NRXN3: variants seen among roughly 807,000 people sequenced by gnomAD.
NRXN3 encodes the protein neurexin 3.
NRXN3 carries 32 observed loss-of-function variants against 137.6 expected under a neutral mutation model. The ratio of observed to expected loss-of-function variants is 0.23; its 90% confidence interval spans 0.18 to 0.31. The LOEUF (loss-of-function observed/expected upper bound fraction) is 0.31, where lower values mean the gene tolerates loss of function less well. NRXN3 is among the 10% of genes least tolerant of loss of function. The probability of loss-of-function intolerance (pLI) is 1.00; values close to 1 mark genes in which losing one functional copy is unlikely to be tolerated. For synonymous variants in NRXN3, 798 were observed against 784.5 expected (o/e 1.02, Z -0.29); for missense variants, 1,574 against 2,062.5 (o/e 0.76, Z 4.59).
chr14:79,362,583 G>A (rs1163403980), intron 15 of NRXN3, among the ~76,000 whole-genome samples: 1 of 152,134 alleles, frequency 6.6e-6, no homozygotes, highest in Non-Finnish European at 1.5e-5. Context: ...CCTTCCAACA[G>A]GACCCAACCA....
chr14:79,519,856 AG>A (rs1459891465), intron 16 of NRXN3, among the ~76,000 whole-genome samples: 1 of 151,506 alleles, frequency 6.6e-6, no homozygotes, highest in East Asian at 1.9e-4. Flanking sequence ...ATTCTTAAAA[AG>A]ATTTTTTTAA....
intron 1 of NRXN3, among the ~76,000 whole-genome samples, chr14:78,211,147 A>G (rs927626647): frequency 3.9e-5 from 6 of 152,138 alleles, no homozygotes; most frequent in African/African-American, 1.4e-4. Context: ...CATTTTGCAA[A>G]TGAAGAGAAA....
rs1040966468 is a variant in NRXN3 at position 78,508,591 on chromosome 14, G to C, written c.758-136529G>C. 2.5e-4 allele frequency among the ~76,000 whole-genome samples: 38 copies of C among 152,010 alleles called. 1 individual carries two copies. The highest frequency in any genetic ancestry group is 3.9e-4 in the Admixed American group (6 of 15,254). ...GGATATGAGCTATTGATACTACCAG[G>C]CACACTGAAGTAAGTATTAAGTCTT... On this transcript the variant is annotated intron_variant, in intron 4 of 20. Coordinates refer to ENST00000335750, the MANE Select transcript of NRXN3 (RefSeq NM_001330195.2).
chr14:78,934,161 CAA>C (rs556509445), intron 10 of NRXN3, among the ~76,000 whole-genome samples: 64 of 85,636 alleles, frequency 7.5e-4, no homozygotes, highest in African/African-American at 1.2e-3. Context: ...AAACGACAAC[CAA>C]AAAAAAAAAA....
intron 15 of NRXN3, among the ~76,000 whole-genome samples, chr14:79,217,974 T>G (rs1010056025): frequency 2.0e-5 from 3 of 152,178 alleles, no homozygotes; most frequent in Non-Finnish European, 2.9e-5. Context: ...ACAGATTAGT[T>G]CCCAGAGGAC....
chr14:79,813,756 TA>T (rs2099242941), intron 20 of NRXN3, among the ~76,000 whole-genome samples: 1 of 152,198 alleles, frequency 6.6e-6, no homozygotes, highest in Admixed American at 6.5e-5. Context: ...CCTTTTGATT[TA>T]CCCCCATATC....
chr14:78,487,889 C>A (rs1344626316), intron 4 of NRXN3, among the ~76,000 whole-genome samples: 2 of 151,924 alleles, frequency 1.3e-5, no homozygotes, highest in Non-Finnish European at 2.9e-5. Flanking sequence ...CAGGTAAATA[C>A]TTGTATTTAC....
At chr14:79,654,713 T>G (rs912113718) in intron 16 of NRXN3, among the ~76,000 whole-genome samples, 1 of 152,180 alleles carries the variant, frequency 6.6e-6, no homozygotes, top group Non-Finnish European at 1.5e-5. Context: ...AATCTCTCCA[T>G]TCTGAAATGT....
intron 4 of NRXN3, among the ~76,000 whole-genome samples, chr14:78,378,609 A>C (rs2088392058): frequency 6.6e-6 from 1 of 152,220 alleles, no homozygotes; most frequent in Admixed American, 6.5e-5. Context: ...TACATTAGAA[A>C]AGAGGAAAAG....
At chr14:78,171,219 C>CTT (rs144839930) in intron 1 of NRXN3, among the ~76,000 whole-genome samples, 3,101 of 121,258 alleles carry the variant, frequency 0.026, 80 homozygotes, top group East Asian at 0.12. Context: ...TGTGTGTGTG[C>CTT]TTTTTTTTTT....
intron 4 of NRXN3, among the ~76,000 whole-genome samples, chr14:78,544,438 T>C (rs1566702510): frequency 6.6e-6 from 1 of 152,332 alleles, no homozygotes; most frequent in Admixed American, 6.5e-5. Flanking sequence ...AACCCCTGCC[T>C]GAGTACTTAT....
At chr14:79,830,434 C>G (rs1040545010) in intron 20 of NRXN3, among the ~76,000 whole-genome samples, 1 of 152,056 alleles carries the variant, frequency 6.6e-6, no homozygotes, top group Non-Finnish European at 1.5e-5. Context: ...AGTAACTCCC[C>G]AAATGTGTGT....
intron 16 of NRXN3, among the ~76,000 whole-genome samples, chr14:79,497,501 C>T (rs1361492785): frequency 6.6e-6 from 1 of 152,124 alleles, no homozygotes; most frequent in African/African-American, 2.4e-5. Context: ...ATCCCACCTC[C>T]CTGCAGTTCC....
intron 1 of NRXN3, among the ~76,000 whole-genome samples, chr14:78,209,460 G>C (rs1376229188): frequency 6.6e-6 from 1 of 152,202 alleles, no homozygotes; most frequent in Non-Finnish European, 1.5e-5. Flanking sequence ...CTGAGAACAG[G>C]TAATTTATAA....
intron 15 of NRXN3, among the ~76,000 whole-genome samples, chr14:79,282,954 G>T (rs2081529094): frequency 6.6e-6 from 1 of 152,036 alleles, no homozygotes; most frequent in Admixed American, 6.6e-5. Flanking sequence ...CCTACCTCTG[G>T]CTTCCATCCT....
At chr14:79,583,385 C>T (rs893255831) in intron 16 of NRXN3, among the ~76,000 whole-genome samples, 3 of 152,106 alleles carry the variant, frequency 2.0e-5, no homozygotes, top group African/African-American at 7.2e-5. Flanking sequence ...CACACTTGCC[C>T]CCTTTTTGCA....
At chr14:79,477,250 G>T (rs923500539) in intron 16 of NRXN3, among the ~76,000 whole-genome samples, 4 of 151,946 alleles carry the variant, frequency 2.6e-5, no homozygotes, top group Admixed American at 2.0e-4. Context: ...TCAAATTCAT[G>T]AATTCAATTG....
In NRXN3 at chr14:78,975,561, ATCAGGATCACT is replaced by A. The variant is rs1489554134; in HGVS notation, c.3142+7216_3142+7226del. On this transcript the variant is annotated intron_variant, in intron 14 of 20. Transcript: ENST00000335750. Reference sequence around the variant, plus strand: ...GAGATTTGGGTTGGATTTTCATTTTATCAGGATCACTCTGACACTAGAATGGAGAAAGGATG... The same window carrying A: ...GAGATTTGGGTTGGATTTTCATTTTACTGACACTAGAATGGAGAAAGGATG... 3.9e-5 allele frequency among the ~76,000 whole-genome samples: 6 copies of A among 152,256 alleles called. No individual in the cohort carries two copies. In the South Asian group the frequency reaches 1.2e-3, roughly 32 times the overall value.
chr14:79,614,274 T>C (rs2543585), intron 16 of NRXN3, among the ~76,000 whole-genome samples: 1,796 of 152,320 alleles, frequency 0.012, 41 homozygotes, highest in African/African-American at 0.04. Flanking sequence ...GACCCAGCAT[T>C]TGTTACTGGC....
Sources: allele counts gnomAD v4.1 joint callset (sites outside exome capture counted in the v4.1 genomes callset), GRCh38; gene constraint gnomAD v4.1.1; transcripts MANE v1.5; gene names NCBI Gene and HGNC (gene_info 2026-07-23, HGNC 2026-07-21).